GLOD4: variants seen among roughly 807,000 people sequenced by gnomAD.
GLOD4 encodes the protein glyoxalase domain-containing protein 4.
GLOD4 carries 44 observed loss-of-function variants against 39.1 expected under a neutral mutation model. That is an observed-to-expected ratio of 1.13 (90% CI 0.88 to 1.45). The LOEUF is 1.45. GLOD4 is among the 40% of genes most tolerant of loss of function. The pLI, the probability that GLOD4 is intolerant of heterozygous loss-of-function variation, is 0.00. For missense variants in GLOD4, 405 were observed against 366.4 expected (o/e 1.11, Z -0.86); for synonymous variants, 145 against 135.0 (o/e 1.07, Z -0.52).
intron 4 of GLOD4, among the ~76,000 whole-genome samples, chr17:774,327 A>T (rs1908516726): frequency 6.6e-6 from 1 of 152,242 alleles, no homozygotes; most frequent in African/African-American, 2.4e-5. Flanking sequence ...GTGAAGAAGG[A>T]GAATTTCCAG....
chr17:762,371 G>A (rs984089716), intron 8 of GLOD4, among the ~76,000 whole-genome samples: 5 of 151,930 alleles, frequency 3.3e-5, no homozygotes, highest in Admixed American at 3.3e-4. Flanking sequence ...GGGCGCAGAG[G>A]AAGAAAAAGG....
intron 8 of GLOD4, among the ~76,000 whole-genome samples, chr17:767,464 T>A (rs1338795934): frequency 6.6e-6 from 1 of 151,860 alleles, no homozygotes; most frequent in African/African-American, 2.4e-5. Flanking sequence ...CAGTGCACAC[T>A]CAGATTTTTA....
upstream of GLOD4, among the ~76,000 whole-genome samples, chr17:784,487 A>G (rs1451954199): frequency 6.6e-6 from 1 of 151,284 alleles, no homozygotes; most frequent in Non-Finnish European, 1.5e-5. Flanking sequence ...TGGCCAGCCC[A>G]TCTTGAACTT....
chr17:760,264 C>G, intron 8 of GLOD4, 26 bp from the exon 9 acceptor site: 1 of 1,310,888 alleles, frequency 7.6e-7, no homozygotes, highest in Non-Finnish European at 1.1e-6. Flanking sequence ...AGAATATACA[C>G]TGACTCCAAG....
At chr17:777,061 G>C (rs1909089443) in intron 2 of GLOD4, 73 bp from the exon 3 acceptor site, 6 of 1,416,450 alleles carry the variant, frequency 4.2e-6, no homozygotes, top group Non-Finnish European at 1.0e-6. Flanking sequence ...AGAACTACTG[G>C]GCACAGAGAG....
chr17:774,385 G>C (rs1206437736), intron 4 of GLOD4, among the ~76,000 whole-genome samples: 4 of 152,226 alleles, frequency 2.6e-5, no homozygotes, highest in Admixed American at 2.6e-4. Context: ...CCAAGTAAGG[G>C]AGTCGGCACA....
chr17:769,871 C>T lies in GLOD4; in HGVS notation c.829G>A (p.Asp277Asn). 6.4e-7 allele frequency: 1 copy of T among 1,556,148 alleles called. No homozygotes were observed. Among genetic ancestry groups the T allele is most frequent in the Non-Finnish European group, 8.9e-7 (1 of 1,127,034 alleles). Residue 277 changes from aspartate (D) to asparagine (N), a missense_variant and splice_region_variant, in exon 8 of 9, where the codon GAT (aspartate) becomes AAT (asparagine). By Grantham distance (23) the Asp-to-Asn change is conservative. Coordinates refer to ENST00000301329, the MANE Select transcript of GLOD4 (RefSeq NM_016080.4). ...MDPEGSKLLD[D>N]AMAADKSDEW... ...ATAAATGTAGAAATGGGACTCACAT[C>T]ATCCAACAATTTGCTTCCCTCTGGA... is the stretch of plus-strand genomic sequence containing the variant.
At chr17:773,020 G>A (rs1034435088) in intron 4 of GLOD4, among the ~76,000 whole-genome samples, 14 of 151,678 alleles carry the variant, frequency 9.2e-5, no homozygotes, top group Admixed American at 2.6e-4. Context: ...ATTTCAACCC[G>A]ACGCCCCCAA....
chr17:772,287 A>C (rs1011857783), intron 4 of GLOD4, among the ~76,000 whole-genome samples: 1 of 151,998 alleles, frequency 6.6e-6, no homozygotes, highest in Admixed American at 6.6e-5. Flanking sequence ...AGAAAAACTT[A>C]CATCTTCGAA....
At chr17:771,961 C>T (rs58042979) in intron 4 of GLOD4, among the ~76,000 whole-genome samples, 6,691 of 146,714 alleles carry the variant, frequency 0.046, 233 homozygotes, top group South Asian at 0.13. Flanking sequence ...TGCAGTGAGC[C>T]GAGATGGCGC....
At chr17:761,656 C>A (rs1905455651) in intron 8 of GLOD4, among the ~76,000 whole-genome samples, 1 of 152,168 alleles carries the variant, frequency 6.6e-6, no homozygotes, top group African/African-American at 2.4e-5. Flanking sequence ...AGGCGTACAC[C>A]ACCGTGCCTG....
intron 8 of GLOD4, among the ~76,000 whole-genome samples, chr17:765,890 A>C (rs1906449070): frequency 6.6e-6 from 1 of 151,948 alleles, no homozygotes; most frequent in Non-Finnish European, 1.5e-5. Context: ...TGGGAGGCAG[A>C]GGTTGCAGTG....
chr17:783,348 T>TG, upstream of GLOD4: 3 of 1,435,854 alleles, frequency 2.1e-6, no homozygotes, highest in Non-Finnish European at 1.8e-6. Context: ...ACCCAGTGTA[T>TG]CTTTTTTTTT....
intron 1 of GLOD4, among the ~76,000 whole-genome samples, chr17:780,205 T>C (rs1012372793): frequency 1.3e-5 from 2 of 152,152 alleles, no homozygotes; most frequent in African/African-American, 4.8e-5. Flanking sequence ...AAAATCCTTA[T>C]TGATATCCTT....
chr17:767,909 A>G (rs1205259237), intron 8 of GLOD4, among the ~76,000 whole-genome samples: 4 of 141,902 alleles, frequency 2.8e-5, no homozygotes, highest in East Asian at 2.2e-4. Flanking sequence ...AACAGCGCGC[A>G]CTCAGATTTT....
rs769090582 is a variant in GLOD4 at position 768,740 on chromosome 17, C to A, written c.831+1129G>T. 1.3e-4 allele frequency among the ~76,000 whole-genome samples: 13 copies of A among 103,100 alleles called. 1 individual carries two copies. The highest frequency in any genetic ancestry group is 4.3e-4 in the African/African-American group (13 of 30,210). The allele number at this position is 103,100 out of a possible 152,430, so 67.6% of individuals were successfully genotyped here. A position where few individuals can be genotyped will look rare whatever the true frequency, so the allele number is the denominator to read the frequency against. ...GAGGACGTGAGAGAGAGAAACAGCG[C>A]GCACTCAGATTTTTAGAAGAAATCT... On this transcript the variant is annotated intron_variant, in intron 8 of 8. Coordinates refer to ENST00000301329, the MANE Select transcript of GLOD4 (RefSeq NM_016080.4).
At chr17:772,855 C>A (rs1440366594) in intron 4 of GLOD4, among the ~76,000 whole-genome samples, 1 of 151,988 alleles carries the variant, frequency 6.6e-6, no homozygotes, top group African/African-American at 2.4e-5. Context: ...ATTAGCCGGG[C>A]GTGCTGGCGG....
At chr17:775,703 CA>C in intron 4 of GLOD4, 71 bp downstream of exon 4, 1 of 1,272,908 alleles carries the variant, frequency 7.9e-7, no homozygotes, top group Non-Finnish European at 1.1e-6. Flanking sequence ...AAAAAAAAGA[CA>C]GGCAGCCCTC....
intron 4 of GLOD4, among the ~76,000 whole-genome samples, chr17:773,818 C>T (rs577507623): frequency 7.2e-5 from 11 of 152,246 alleles, no homozygotes; most frequent in African/African-American, 2.6e-4. Flanking sequence ...ATCAACAAAT[C>T]CCAGTTGACT....
Sources: allele counts gnomAD v4.1 joint callset (sites outside exome capture counted in the v4.1 genomes callset), GRCh38; gene constraint gnomAD v4.1.1; transcripts MANE v1.5; gene names NCBI Gene and HGNC (gene_info 2026-07-23, HGNC 2026-07-21).